CAB39: variants seen among roughly 807,000 people sequenced by gnomAD.
CAB39 encodes calcium binding protein 39, also known as calcium-binding protein 39.
A neutral mutation model predicts 40.0 loss-of-function variants in CAB39; 8 were observed. That is an observed-to-expected ratio of 0.20 (90% confidence interval 0.12 to 0.36). The LOEUF (loss-of-function observed/expected upper bound fraction) is 0.36, where lower values mean the gene tolerates loss of function less well. Ranked by LOEUF, CAB39 falls within the 10% of genes least tolerant of loss-of-function variation. The pLI is 1.00. For missense variants in CAB39, 270 were observed against 401.1 expected, an observed-to-expected ratio of 0.67 and a Z score of 2.79; for synonymous variants, 156 against 141.6, an observed-to-expected ratio of 1.10 and a Z score of -0.72.
intron 5 of CAB39, among the ~76,000 whole-genome samples, chr2:230,799,364 G>A (rs1351558442): frequency 3.3e-5 from 5 of 152,150 alleles, no homozygotes; most frequent in Non-Finnish European, 7.3e-5. Context: ...GGAAACAGTG[G>A]ATTCACCTCT....
At chr2:230,729,515 G>GCTGAGGTGGGTGGATCAC (rs1694648582) in intron 1 of CAB39, among the ~76,000 whole-genome samples, 1 of 152,068 alleles carries the variant, frequency 6.6e-6, no homozygotes, top group South Asian at 2.1e-4. Flanking sequence ...ACTTTGGGAG[G>GCTGAGGTGGGTGGATCAC]CTGAGGTGGG....
intron 5 of CAB39, among the ~76,000 whole-genome samples, chr2:230,807,410 C>A (rs946655776): frequency 6.6e-6 from 1 of 150,560 alleles, no homozygotes; most frequent in African/African-American, 2.5e-5. Flanking sequence ...AGTGTTTTAC[C>A]CCCCCAACCC....
At chr2:230,753,743 CAAA>C (rs60868418) in intron 1 of CAB39, among the ~76,000 whole-genome samples, 8 of 85,504 alleles carry the variant, frequency 9.4e-5, no homozygotes, top group Admixed American at 1.4e-4. Context: ...GACTCCATCT[CAAA>C]AAAAAAAAAA....
intron 1 of CAB39, among the ~76,000 whole-genome samples, chr2:230,721,402 G>A (rs1207633557): frequency 6.6e-6 from 1 of 152,210 alleles, no homozygotes; most frequent in African/African-American, 2.4e-5. Context: ...CTGCGCTCCA[G>A]CCTGGGCAAC....
intron 1 of CAB39, among the ~76,000 whole-genome samples, chr2:230,748,524 G>C (rs1327733482): frequency 6.6e-6 from 1 of 152,062 alleles, no homozygotes; most frequent in African/African-American, 2.4e-5. Flanking sequence ...TTACAAAATG[G>C]GTTGGGTGCG....
At chr2:230,814,304 T>C (rs959230605) in intron 7 of CAB39, among the ~76,000 whole-genome samples, 190 bp downstream of exon 7, 1 of 152,120 alleles carries the variant, frequency 6.6e-6, no homozygotes, top group African/African-American at 2.4e-5. Context: ...TCCTGCTTCC[T>C]AGTAAGGTGG....
At chr2:230,762,055 G>A (rs528567212) in intron 2 of CAB39, among the ~76,000 whole-genome samples, 101 of 152,024 alleles carry the variant, frequency 6.6e-4, no homozygotes, top group African/African-American at 2.4e-3. Context: ...CTACAGGTGC[G>A]TACCACCATG....
chr2:230,774,621 C>T (rs192877349), intron 2 of CAB39, among the ~76,000 whole-genome samples: 5 of 152,064 alleles, frequency 3.3e-5, no homozygotes, highest in Non-Finnish European at 7.4e-5. Context: ...CCCTTCCTTA[C>T]GATGAATGCT....
chr2:230,807,487 C>T (rs1369700070), intron 5 of CAB39, among the ~76,000 whole-genome samples: 2 of 150,150 alleles, frequency 1.3e-5, no homozygotes, highest in Non-Finnish European at 3.0e-5. Flanking sequence ...ACTGGGTCCA[C>T]CTGCTCCTTG....
At chr2:230,747,378 C>T (rs1368956148) in intron 1 of CAB39, among the ~76,000 whole-genome samples, 1 of 152,224 alleles carries the variant, frequency 6.6e-6, no homozygotes, top group Admixed American at 6.5e-5. Flanking sequence ...CTATGAACCA[C>T]TTGTTGATGG....
At chr2:230,762,809 C>G (rs989097618) in intron 2 of CAB39, among the ~76,000 whole-genome samples, 1 of 152,196 alleles carries the variant, frequency 6.6e-6, no homozygotes, top group Non-Finnish European at 1.5e-5. Context: ...GGTCTCTGCT[C>G]TTTCGTAGCT....
At chr2:230,789,783 G>A (rs1559611749) in intron 2 of CAB39, among the ~76,000 whole-genome samples, 2 of 152,196 alleles carry the variant, frequency 1.3e-5, no homozygotes, top group Non-Finnish European at 2.9e-5. Context: ...GGGTTGCCAG[G>A]TCTGCCTCTT....
At chr2:230,764,137 A>G (rs1695343124) in intron 2 of CAB39, among the ~76,000 whole-genome samples, 1 of 151,958 alleles carries the variant, frequency 6.6e-6, no homozygotes, top group South Asian at 2.1e-4. Flanking sequence ...AAAAAAAAAC[A>G]AAACAAAGAA....
intron 1 of CAB39, among the ~76,000 whole-genome samples, chr2:230,735,868 C>T (rs1163002733): frequency 1.3e-5 from 2 of 152,124 alleles, no homozygotes; most frequent in African/African-American, 4.8e-5. Flanking sequence ...TCTGTAATGG[C>T]TTGCATGTAA....
chr2:230,764,797 G>A (rs1286709990), intron 2 of CAB39, among the ~76,000 whole-genome samples: 1 of 152,196 alleles, frequency 6.6e-6, no homozygotes, highest in Admixed American at 6.5e-5. Context: ...AAAGCAGTTA[G>A]TTGAACTTAT....
At chr2:230,793,452 T>C (rs2124960079) in intron 4 of CAB39, 121 bp downstream of exon 4, 1 of 466,976 alleles carries the variant, frequency 2.1e-6, no homozygotes, top group East Asian at 3.3e-5. Context: ...AATTTTTCCA[T>C]AGATTTTGAA....
chr2:230,769,445 G>GACATTTATA (rs1559604027), intron 2 of CAB39, among the ~76,000 whole-genome samples: 2 of 152,104 alleles, frequency 1.3e-5, no homozygotes, highest in Non-Finnish European at 2.9e-5. Flanking sequence ...CAACAACTGT[G>GACATTTATA]GAACACACCT....
chr2:230,715,096 C>T (rs939119681), intron 1 of CAB39, among the ~76,000 whole-genome samples: 1 of 152,110 alleles, frequency 6.6e-6, no homozygotes, highest in East Asian at 1.9e-4. Flanking sequence ...TGTATTTTTT[C>T]TTTGCATAAT....
At chr2:230,803,272 A>G (rs561601480) in intron 5 of CAB39, among the ~76,000 whole-genome samples, 5 of 152,348 alleles carry the variant, frequency 3.3e-5, no homozygotes, top group Admixed American at 1.3e-4. Context: ...AATCAGAGCT[A>G]TTTATGACAA....
Sources: gnomAD v4.1 joint callset for allele counts (sites outside exome capture counted in the v4.1 genomes callset) on GRCh38, gnomAD v4.1.1 for gene constraint, MANE v1.5 for transcripts, NCBI Gene and HGNC (gene_info 2026-07-23, HGNC 2026-07-21) for gene names.